Variants in GSG1L2 observed in about 807,000 individuals in gnomAD.
GSG1L2 encodes the protein germ cell-specific gene 1-like protein 2.
In GSG1L2, 15 loss-of-function variants were observed where a neutral mutation model predicts 9.0. The ratio of observed to expected loss-of-function variants is 1.67; its 90% CI spans 1.12 to 2.57. The LOEUF is 2.57. Ranked by LOEUF, GSG1L2 falls within the 30% of genes most tolerant of loss-of-function variation. GSG1L2 has a pLI of 0.00. For missense variants in GSG1L2, 286 were observed against 150.3 expected (o/e 1.90, Z -4.72); for synonymous variants, 127 against 57.9 (o/e 2.19, Z -5.41).
At chr17:9,816,826 G>A (rs1567711484) in intron 1 of GSG1L2, among the ~76,000 whole-genome samples, 1 of 146,336 alleles carries the variant, frequency 6.8e-6, no homozygotes, top group Admixed American at 6.8e-5. Flanking sequence ...ATCTGTGTGT[G>A]TCTGTGTATC....
In GSG1L2 at chr17:9,801,381, TG is replaced by T. The variant is rs2066496205; in HGVS notation, c.*1004del. On this transcript the variant is annotated 3_prime_UTR_variant, in exon 5 of 5. Transcript: ENST00000399363. ...TGCCACCATGCTTGGCTATTTTTGA[TG>T]TTTTTTTTTTTTTAGTAGAGACAGG... Among the ~76,000 whole-genome samples, 1 of 151,256 alleles carries T rather than the reference TG, an allele frequency of 6.6e-6. No homozygotes were observed. Among genetic ancestry groups the T allele is most frequent in the African/African-American group, 2.4e-5 (1 of 41,188 alleles).
rs1267523133 is a variant in GSG1L2, at chr17:9,802,149, AG to A, written c.*236del. Reference sequence around the variant, plus strand: ...ATTAAGAAGCTCTCTTTTATACTAGAGTGTCAATGGTTGATATCTTCAGTAA... The same window carrying A: ...ATTAAGAAGCTCTCTTTTATACTAGATGTCAATGGTTGATATCTTCAGTAA... On this transcript the variant is annotated 3_prime_UTR_variant, in exon 5 of 5. Coordinates refer to ENST00000399363, the MANE Select transcript of GSG1L2 (RefSeq NM_001310219.2). Among the ~76,000 whole-genome samples, 1 of 152,176 alleles carries A rather than the reference AG, an allele frequency of 6.6e-6. No individual in the cohort carries two copies. The highest frequency in any genetic ancestry group is 1.9e-4 in the East Asian group (1 of 5,184).
rs2066494120 is a variant in GSG1L2, at chr17:9,800,826, G to C, written c.*1560C>G. On this transcript the variant is annotated 3_prime_UTR_variant, in exon 5 of 5. Transcript: ENST00000399363. ...GAACCTGCACACTGCAAAGGGCAGA[G>C]GCTTGTGGGTACAAACTCTCCTGCT... 1.3e-5 allele frequency among the ~76,000 whole-genome samples: 2 copies of C among 152,250 alleles called. No homozygotes were observed. Among genetic ancestry groups the C allele is most frequent in the African/African-American group, 4.8e-5 (2 of 41,466 alleles).
chr17:9,808,954 C>A lies in GSG1L2; in HGVS notation c.387G>T (p.Glu129Asp), dbSNP rs1567709435. ...TCAGTATCAGAACGATATCCAGGAC[C>A]TCGCCCCCGATGGACAGCCACAAAA... ...QGVLWLSIGG[E>D]VLDIVLILTS... The change falls in exon 3 of 5, where the codon GAG (glutamate) becomes GAT (aspartate). Residue 129 changes from glutamate (E) to aspartate (D), a missense_variant. Glu to Asp is a conservative substitution (Grantham distance 45). Coordinates refer to ENST00000399363, the MANE Select transcript of GSG1L2 (RefSeq NM_001310219.2). The A allele has an allele frequency of 2.8e-6, 2 of 702,912 alleles. No individual in the cohort carries two copies. The highest frequency in any genetic ancestry group is 3.0e-5 in the South Asian group (2 of 67,596). 43.5% of individuals were successfully genotyped at this position (702,912 alleles called of 1,614,324 possible).
chr17:9,813,013 C>T (rs999486614), intron 1 of GSG1L2, among the ~76,000 whole-genome samples: 6 of 152,166 alleles, frequency 3.9e-5, no homozygotes, highest in Non-Finnish European at 8.8e-5. Flanking sequence ...ACCCTCATGA[C>T]CTAATCACCA....
In GSG1L2 at chr17:9,821,805, A is replaced by G. The variant is rs181176643; in HGVS notation, c.267T>C (p.His89=). ...CCTCGCAGGACTGCCAGAGCCCCAC[A>G]TGGAACCCCCGCTGAATGAACTTGT... ...GDDKFIQRGF[H]VGLWQSCEES... is the part of the protein sequence containing the mutation. The change falls in exon 1 of 5, where the codon CAT becomes CAC. Residue 89 remains histidine (H), a synonymous_variant. Transcript: ENST00000399363. 4.7e-3 allele frequency: 3,331 copies of G among 703,566 alleles called. 12 individuals are homozygous for G. Among genetic ancestry groups the G allele is most frequent in the Middle Eastern group, 0.012 (54 of 4,376 alleles). The allele number at this position is 703,566 out of a possible 1,614,324, so 43.6% of individuals were successfully genotyped here.
chr17:9,816,707 G>A, intron 1 of GSG1L2, among the ~76,000 whole-genome samples: 2 of 150,036 alleles, frequency 1.3e-5, no homozygotes, highest in African/African-American at 5.0e-5. Flanking sequence ...GTGCATGCGT[G>A]TCTGTGTGTA....
chr17:9,804,711 C>T (rs1489403854), intron 4 of GSG1L2: 1 of 152,154 alleles, frequency 6.6e-6, no homozygotes, highest in East Asian at 1.9e-4. Context: ...AAAACAACAA[C>T]AAAAGAGCCT....
At chr17:9,802,878 T>A (rs2066502577) in intron 4 of GSG1L2, among the ~76,000 whole-genome samples, 1 of 152,180 alleles carries the variant, frequency 6.6e-6, no homozygotes, top group African/African-American at 2.4e-5. Flanking sequence ...CCCCACCTTG[T>A]ATTAACCATG....
chr17:9,815,549 C>T (rs755880605), intron 1 of GSG1L2, among the ~76,000 whole-genome samples: 4 of 152,130 alleles, frequency 2.6e-5, no homozygotes, highest in Non-Finnish European at 5.9e-5. Context: ...ATTCCTGTAT[C>T]GGGGGACTTC....
chr17:9,803,727 T>C (rs9891232), intron 4 of GSG1L2: 90,885 of 152,048 alleles, frequency 0.6, 27,519 homozygotes, highest in East Asian at 0.71. Context: ...ATTATCTAAC[T>C]GAACACCTCA....
intron 1 of GSG1L2, 175 bp from the exon 2 acceptor site, chr17:9,810,793 A>G: frequency 1.7e-6 from 1 of 602,066 alleles, no homozygotes; most frequent in Non-Finnish European, 2.9e-6. Context: ...ACCCTATTGG[A>G]CTCTGGCTTG....
chr17:9,814,767 G>A (rs2066553146), intron 1 of GSG1L2, among the ~76,000 whole-genome samples: 1 of 152,152 alleles, frequency 6.6e-6, no homozygotes, highest in African/African-American at 2.4e-5. Context: ...AGTGGCGTCC[G>A]ATCCCTCCGT....
chr17:9,809,168 A>C, intron 2 of GSG1L2, 186 bp from the exon 3 acceptor site: 1 of 548,492 alleles, frequency 1.8e-6, no homozygotes, highest in Non-Finnish European at 3.3e-6. Context: ...GCTGAAAGAG[A>C]CGGTTGTAGG....
intron 1 of GSG1L2, among the ~76,000 whole-genome samples, chr17:9,816,116 C>T (rs914447068): frequency 6.6e-6 from 1 of 152,168 alleles, no homozygotes; most frequent in Non-Finnish European, 1.5e-5. Context: ...CGTGGATTTC[C>T]CAGCCTCCGT....
At chr17:9,810,991 A>G in intron 1 of GSG1L2, 1 of 244,880 alleles carries the variant, frequency 4.1e-6, no homozygotes, top group Non-Finnish European at 7.9e-6. Context: ...CCCCTTGCCA[A>G]CCTGAAAAGT....
chr17:9,816,858 GTA>G (rs1213482715), intron 1 of GSG1L2, among the ~76,000 whole-genome samples: 9 of 34,672 alleles, frequency 2.6e-4, no homozygotes, highest in East Asian at 0.014. Context: ...CTGTGTATCT[GTA>G]TGTGTGTGTC....
chr17:9,808,563 T>C (rs78810001), intron 3 of GSG1L2, among the ~76,000 whole-genome samples: 297 of 152,286 alleles, frequency 2.0e-3, no homozygotes, highest in African/African-American at 6.7e-3. Context: ...ATGTCAGCTG[T>C]CAGAGCCAGG....
chr17:9,802,462 C>T lies in GSG1L2; in HGVS notation c.806G>A (p.Cys269Tyr). The change falls in exon 5 of 5, where the codon TGC (cysteine) becomes TAC (tyrosine). Residue 269 changes from cysteine (C) to tyrosine (Y), a missense_variant. Transcript: ENST00000399363. ...ESIWKTGAAP[C>Y]PAEQAFRNVS... is the part of the protein sequence containing the mutation. ...ATTCCTGAAGGCTTGTTCAGCAGGGCAAGGAGCAGCTCCTGTTTTCCAAAT... is the reference window on the plus strand; with the variant it reads ...ATTCCTGAAGGCTTGTTCAGCAGGGTAAGGAGCAGCTCCTGTTTTCCAAAT... 2.8e-6 allele frequency: 2 copies of T among 702,270 alleles called. No homozygotes were observed. The highest frequency in any genetic ancestry group is 5.2e-6 in the Non-Finnish European group (2 of 384,620). The allele number at this position is 702,270 out of a possible 1,614,324, so 43.5% of individuals were successfully genotyped here.
Sources: gnomAD v4.1 joint callset for allele counts (sites outside exome capture counted in the v4.1 genomes callset) on GRCh38, gnomAD v4.1.1 for gene constraint, MANE v1.5 for transcripts, NCBI Gene and HGNC (gene_info 2026-07-23, HGNC 2026-07-21) for gene names.